The following RPS6KA2 variants were observed in gnomAD, a reference collection of about 807,000 sequenced individuals.
RPS6KA2 encodes ribosomal protein S6 kinase alpha-2.
Under a neutral mutation model 91.8 loss-of-function variants are expected in RPS6KA2, and 42 were observed. That is an observed-to-expected ratio of 0.46 (90% confidence interval 0.36 to 0.59). RPS6KA2 has a LOEUF of 0.59. RPS6KA2 is among the 20% of genes least tolerant of loss of function. The pLI, the probability that RPS6KA2 is intolerant of heterozygous loss-of-function variation, is 0.00. For synonymous variants in RPS6KA2, 414 were observed against 393.6 expected (o/e 1.05, Z -0.61); for missense variants, 798 against 978.5 (o/e 0.82, Z 2.46).
intron 1 of RPS6KA2, among the ~76,000 whole-genome samples, chr6:166,599,960 C>G (rs369492984): frequency 2.6e-5 from 4 of 152,170 alleles, no homozygotes; most frequent in Non-Finnish European, 1.5e-5. Context: ...AAGGGACACC[C>G]AGCCTCCCCT....
intron 2 of RPS6KA2, among the ~76,000 whole-genome samples, chr6:166,747,357 G>A (rs73788112): frequency 0.022 from 3,288 of 152,300 alleles, 117 homozygotes; most frequent in African/African-American, 0.075. Context: ...TTTTGGTATC[G>A]CAGATACTGC....
chr6:166,432,216 G>C (rs1208455697), intron 15 of RPS6KA2, among the ~76,000 whole-genome samples, 185 bp downstream of exon 15: 1 of 152,174 alleles, frequency 6.6e-6, no homozygotes, highest in East Asian at 1.9e-4. Flanking sequence ...CTGGGGCGGT[G>C]GCTGTCAAAA....
At chr6:166,839,698 GAGA>G (rs1562465802) in intron 2 of RPS6KA2, among the ~76,000 whole-genome samples, 12 of 122,404 alleles carry the variant, frequency 9.8e-5, no homozygotes, top group East Asian at 5.5e-4. Flanking sequence ...GAGAGGGGAG[GAGA>G]GGAGAGGAGA....
rs139820891 is a variant in RPS6KA2 at position 166,443,412 on chromosome 6, T to C, written c.1332+5312A>G. Among the ~76,000 whole-genome samples, 26 of 152,340 alleles carry C rather than the reference T, an allele frequency of 1.7e-4. No homozygotes were observed. In the East Asian group the frequency reaches 5.0e-3, roughly 29 times the overall value. ...GGCACGGGACTTCTTAGTGGTTCTA[T>C]GGTGTTATTCAAGGTTTATGGAACT... On this transcript the variant is annotated intron_variant, in intron 14 of 20. Transcript: ENST00000265678.
chr6:166,458,407 G>A (rs2128459360), intron 12 of RPS6KA2, among the ~76,000 whole-genome samples: 1 of 152,304 alleles, frequency 6.6e-6, no homozygotes, highest in East Asian at 1.9e-4. Flanking sequence ...CTTGCCTTCT[G>A]CCACGATTGT....
At chr6:166,630,100 G>T (rs139318661), upstream of RPS6KA2, among the ~76,000 whole-genome samples, 1 of 152,190 alleles carries the variant, frequency 6.6e-6, no homozygotes, top group South Asian at 2.1e-4. Flanking sequence ...GAAGATGAGG[G>T]AATAAGTTTC....
intron 2 of RPS6KA2, among the ~76,000 whole-genome samples, chr6:166,760,178 G>A (rs1342707908): frequency 1.3e-5 from 2 of 152,214 alleles, no homozygotes; most frequent in Admixed American, 6.5e-5. Flanking sequence ...GTAGGGCAAT[G>A]TTCCCAGCTT....
intron 2 of RPS6KA2, among the ~76,000 whole-genome samples, chr6:166,845,151 C>G (rs1330081907): frequency 6.6e-6 from 1 of 152,148 alleles, no homozygotes; most frequent in African/African-American, 2.4e-5. Context: ...AGTAGTTCAA[C>G]AGGAAAATAT....
At chr6:166,757,772 C>A (rs1265457044) in intron 2 of RPS6KA2, 7 of 329,454 alleles carry the variant, frequency 2.1e-5, no homozygotes, top group Non-Finnish European at 1.2e-5. Context: ...GGAGTCCTGC[C>A]CCTCACAGGC....
Position 166,545,876 on chromosome 6 carries a change from G to C in RPS6KA2, c.100-7092C>G, listed in dbSNP as rs184956101. On this transcript the variant is annotated intron_variant, in intron 1 of 20. Transcript: ENST00000265678. ...ATGGAGCGCCGCCACTTTTGCAGGGGCCTCCTTCCCACAGAAAAGACGTGC... is the reference window on the plus strand; with the variant it reads ...ATGGAGCGCCGCCACTTTTGCAGGGCCCTCCTTCCCACAGAAAAGACGTGC... 4.8e-3 allele frequency among the ~76,000 whole-genome samples: 729 copies of C among 152,306 alleles called. 3 individuals carry two copies. Among genetic ancestry groups the C allele is most frequent in the Non-Finnish European group, 6.8e-3 (466 of 68,032 alleles).
In RPS6KA2 at chr6:166,445,932, A is replaced by G. The variant is rs555002660; in HGVS notation, c.1332+2792T>C. Among the ~76,000 whole-genome samples, 5 of 152,368 alleles carry G rather than the reference A, an allele frequency of 3.3e-5. No homozygotes were observed. In the South Asian group the frequency reaches 6.2e-4, roughly 19 times the overall value. ...GCTGCCACATGCTTAGTTCTGGGTC[A>G]TGTTAGAAGTCACCGAACTTTGCTG... On this transcript the variant is annotated intron_variant, in intron 14 of 20. Coordinates refer to ENST00000265678, the MANE Select transcript of RPS6KA2 (RefSeq NM_021135.6). The surrounding 1 kb of genome is among the most constrained non-coding windows in gnomAD (Gnocchi z 4.5).
intron 2 of RPS6KA2, among the ~76,000 whole-genome samples, chr6:166,683,053 C>T (rs1788884525): frequency 6.6e-6 from 1 of 152,198 alleles, no homozygotes; most frequent in Admixed American, 6.5e-5. Flanking sequence ...GCCGCTTGCC[C>T]TCGGTGAAGC....
intron 2 of RPS6KA2, among the ~76,000 whole-genome samples, chr6:166,779,714 T>C (rs1778717125): frequency 6.6e-6 from 1 of 152,092 alleles, no homozygotes; most frequent in Non-Finnish European, 1.5e-5. Flanking sequence ...CAGATTCGGC[T>C]CAACTCATCC....
chr6:166,674,236 T>C (rs561648297), intron 2 of RPS6KA2, among the ~76,000 whole-genome samples: 17 of 152,226 alleles, frequency 1.1e-4, no homozygotes, highest in Non-Finnish European at 2.4e-4. Context: ...AGGAAGTTAT[T>C]TGTGGGAACA....
At chr6:166,835,522 T>C (rs1305767829) in intron 2 of RPS6KA2, among the ~76,000 whole-genome samples, 1 of 152,224 alleles carries the variant, frequency 6.6e-6, no homozygotes, top group East Asian at 1.9e-4. Flanking sequence ...TCCTACTGTA[T>C]GTCATTTTAA....
At chr6:166,483,107 G>A (rs1442786792) in intron 10 of RPS6KA2, among the ~76,000 whole-genome samples, 2 of 152,196 alleles carry the variant, frequency 1.3e-5, no homozygotes, top group Non-Finnish European at 2.9e-5. Context: ...GGCCGATGGG[G>A]CCGCTTTTAT....
chr6:166,733,613 G>C lies in RPS6KA2; in HGVS notation c.123+124587C>G, dbSNP rs1317427705. ...CATGTATGTATGGAAGCCAGTGCCA[G>C]TCTCTTTAGGAAAAAGGTTTGGTAA... On this transcript the variant is annotated intron_variant, in intron 2 of 21. Coordinates refer to the RPS6KA2 transcript ENST00000503859. The surrounding 1 kb of genome is among the most constrained non-coding windows in gnomAD (Gnocchi z 4.1). Among the ~76,000 whole-genome samples, 1 of 152,142 alleles carries C rather than the reference G, an allele frequency of 6.6e-6. No homozygotes were observed. Among genetic ancestry groups the C allele is most frequent in the African/African-American group, 2.4e-5 (1 of 41,420 alleles).
At chr6:166,465,226 G>A (rs1175657711) in intron 11 of RPS6KA2, 1 of 152,230 alleles carries the variant, frequency 6.6e-6, no homozygotes, top group African/African-American at 2.4e-5. Context: ...TTGCAAATGA[G>A]GCTGAACTGT....
At chr6:166,560,512 G>A (rs543626094) in intron 1 of RPS6KA2, among the ~76,000 whole-genome samples, 8 of 152,160 alleles carry the variant, frequency 5.3e-5, no homozygotes, top group Admixed American at 1.3e-4. Flanking sequence ...CATACATTTC[G>A]CTTAAGATAT....
Sources: allele counts gnomAD v4.1 joint callset (sites outside exome capture counted in the v4.1 genomes callset), GRCh38; gene constraint gnomAD v4.1.1; non-coding constraint Gnocchi (gnomAD v3.1); transcripts MANE v1.5; gene names NCBI Gene and HGNC (gene_info 2026-07-23, HGNC 2026-07-21).